The following ITGA9 variants were observed in gnomAD, a reference collection of about 807,000 sequenced individuals.
ITGA9 encodes integrin alpha-9.
In ITGA9, 56 loss-of-function variants were observed where a neutral mutation model predicts 127.8. The ratio of observed to expected loss-of-function variants is 0.44; its 90% CI spans 0.35 to 0.55. ITGA9 has a LOEUF of 0.55. Ranked by LOEUF, ITGA9 falls within the 20% of genes least tolerant of loss-of-function variation. The probability of loss-of-function intolerance (pLI) is 0.00; values close to 1 mark genes in which losing one functional copy is unlikely to be tolerated. For missense variants in ITGA9, 1,196 were observed against 1,347.1 expected (o/e 0.89, Z 1.76); for synonymous variants, 508 against 514.5 (o/e 0.99, Z 0.17).
At chr3:37,774,721 A>AAAAAAAC (rs574460816) in intron 23 of ITGA9, among the ~76,000 whole-genome samples, 3 of 152,118 alleles carry the variant, frequency 2.0e-5, no homozygotes, top group South Asian at 2.1e-4. Context: ...TGTCTCCAAA[A>AAAAAAAC]AAAAAACAAA....
chr3:37,711,902 G>T (rs1311617369), intron 18 of ITGA9, among the ~76,000 whole-genome samples: 1 of 152,182 alleles, frequency 6.6e-6, no homozygotes, highest in South Asian at 2.1e-4. Flanking sequence ...TGGTGGGCAC[G>T]GACGGGGTTT....
At chr3:37,717,632 A>C (rs1057003833) in intron 18 of ITGA9, among the ~76,000 whole-genome samples, 26 of 152,208 alleles carry the variant, frequency 1.7e-4, no homozygotes, top group African/African-American at 6.0e-4. Flanking sequence ...AGATCTCATG[A>C]GAACTCACTC....
intron 17 of ITGA9, among the ~76,000 whole-genome samples, chr3:37,680,598 C>G (rs1700726214): frequency 6.6e-6 from 1 of 152,184 alleles, no homozygotes; most frequent in Admixed American, 6.5e-5. Context: ...AACAACTAAA[C>G]TGGAATGAGG....
intron 17 of ITGA9, among the ~76,000 whole-genome samples, chr3:37,660,688 TA>T (rs1231624140): frequency 6.6e-6 from 1 of 152,088 alleles, no homozygotes; most frequent in Non-Finnish European, 1.5e-5. Context: ...AAAGGCTGAA[TA>T]AAAAAGTCAC....
rs1336860827 is a variant in ITGA9 at position 37,534,633 on chromosome 3, T to C, written c.1528+1165T>C. Among the ~76,000 whole-genome samples the C allele has an allele frequency of 2.6e-5, 4 of 152,266 alleles. No individual in the cohort carries two copies. The East Asian group carries it at 7.7e-4, about 29-fold the overall frequency. ...CAATTTCTCTTGATCTTCAGGTATA[T>C]TGAATAAGCTCAACTATTAAACATA... is the stretch of plus-strand genomic sequence containing the variant. On this transcript the variant is annotated intron_variant, in intron 14 of 27. Coordinates refer to ENST00000264741, the MANE Select transcript of ITGA9 (RefSeq NM_002207.3).
chr3:37,654,352 G>A (rs2212025), intron 17 of ITGA9, among the ~76,000 whole-genome samples: 88,414 of 151,990 alleles, frequency 0.58, 26,429 homozygotes, highest in African/African-American at 0.72. Context: ...CTCCCGCACT[G>A]CATGAATCCC....
At chr3:37,694,922 G>A (rs562382422) in intron 18 of ITGA9, among the ~76,000 whole-genome samples, 7 of 152,278 alleles carry the variant, frequency 4.6e-5, no homozygotes, top group African/African-American at 1.7e-4. Flanking sequence ...CCTGAGATGA[G>A]GGCTCACATG....
At chr3:37,719,161 T>C (rs1267374097) in intron 18 of ITGA9, among the ~76,000 whole-genome samples, 1 of 152,132 alleles carries the variant, frequency 6.6e-6, no homozygotes, top group Non-Finnish European at 1.5e-5. Context: ...TTTGTGCTGG[T>C]CTAGGTAAGA....
At chr3:37,729,700 C>CTTTTTTTTTTTT (rs34875348) in intron 18 of ITGA9, among the ~76,000 whole-genome samples, 4 of 84,120 alleles carry the variant, frequency 4.8e-5, no homozygotes, top group Non-Finnish European at 9.1e-5. Flanking sequence ...TTTTTGATTT[C>CTTTTTTTTTTTT]TTTTTTTTTT....
chr3:37,713,196 C>T (rs1272199466), intron 18 of ITGA9, among the ~76,000 whole-genome samples: 1 of 152,184 alleles, frequency 6.6e-6, no homozygotes, highest in Non-Finnish European at 1.5e-5. Context: ...GAATTTCTGT[C>T]TCTCCTGTCA....
intron 9 of ITGA9, among the ~76,000 whole-genome samples, chr3:37,514,218 A>G (rs1234908481): frequency 6.6e-6 from 1 of 152,100 alleles, no homozygotes; most frequent in African/African-American, 2.4e-5. Flanking sequence ...AAGGGTGCCC[A>G]TTTTTCAGGT....
intron 15 of ITGA9, among the ~76,000 whole-genome samples, chr3:37,581,386 C>T (rs917279700): frequency 9.2e-5 from 14 of 151,960 alleles, no homozygotes; most frequent in African/African-American, 1.2e-4. Flanking sequence ...GTCTTGAGCG[C>T]GTGATTGGTG....
intron 23 of ITGA9, among the ~76,000 whole-genome samples, chr3:37,752,135 C>A (rs767776007): frequency 1.3e-5 from 2 of 152,192 alleles, no homozygotes; most frequent in Non-Finnish European, 2.9e-5. Flanking sequence ...GCCTTAAAGC[C>A]CTCGGCAAGG....
intron 23 of ITGA9, among the ~76,000 whole-genome samples, chr3:37,758,064 C>T (rs1696675656): frequency 6.6e-6 from 1 of 151,470 alleles, no homozygotes; most frequent in African/African-American, 2.4e-5. Context: ...TGGCTCACGC[C>T]TGTAATCCCA....
intron 25 of ITGA9, among the ~76,000 whole-genome samples, chr3:37,782,641 T>C (rs967892385): frequency 3.9e-5 from 6 of 152,196 alleles, no homozygotes; most frequent in African/African-American, 1.4e-4. Flanking sequence ...TGAAGCCAGC[T>C]ACAGCCTCCC....
At chr3:37,813,157 G>A (rs1402061405) in intron 27 of ITGA9, among the ~76,000 whole-genome samples, 1 of 152,160 alleles carries the variant, frequency 6.6e-6, no homozygotes, top group Non-Finnish European at 1.5e-5. Flanking sequence ...GGGTTTCCTG[G>A]CATGTGTATG....
chr3:37,491,229 G>A lies in ITGA9; in HGVS notation c.545-3272G>A, dbSNP rs192162696. ...TGGACTCAAGTGATCTGCCTGCCTC[G>A]GCCTCCCAAAGTGCTGGGATTACAG... On this transcript the variant is annotated intron_variant, in intron 4 of 27. Transcript: ENST00000264741. Among the ~76,000 whole-genome samples the A allele has an allele frequency of 3.2e-4, 48 of 152,132 alleles. No homozygotes were observed. In the East Asian group the frequency reaches 8.9e-3, roughly 28 times the overall value.
At chr3:37,633,484 A>G (rs897061721) in intron 16 of ITGA9, among the ~76,000 whole-genome samples, 6 of 152,348 alleles carry the variant, frequency 3.9e-5, no homozygotes, top group African/African-American at 1.4e-4. Context: ...TTATTTTACA[A>G]TAAAGTGTTG....
rs372648738 is a variant in ITGA9 at position 37,545,211 on chromosome 3, G to A, written c.1689+2626G>A. 2.6e-4 allele frequency among the ~76,000 whole-genome samples: 40 copies of A among 152,312 alleles called. 1 individual carries two copies. The South Asian group carries it at 7.5e-3, about 28-fold the overall frequency. ...AGCTTTCTCAGTGGAGCTGGCTCTC[G>A]GCTTTATGGACAAATCAAAGAAGAT... On this transcript the variant is annotated intron_variant, in intron 15 of 27. Transcript: ENST00000264741.
Sources: allele counts gnomAD v4.1 joint callset (sites outside exome capture counted in the v4.1 genomes callset), GRCh38; gene constraint gnomAD v4.1.1; transcripts MANE v1.5; gene names NCBI Gene and HGNC (gene_info 2026-07-23, HGNC 2026-07-21).